Variants in KDM4C observed in about 807,000 individuals in gnomAD.
KDM4C encodes the protein lysine demethylase 4C.
In KDM4C, 81 loss-of-function variants were observed where a neutral mutation model predicts 129.3. The observed-to-expected ratio is 0.63, with a 90% CI of 0.52 to 0.75. KDM4C has a LOEUF of 0.75. Ranked by LOEUF, KDM4C falls within the 30% of genes least tolerant of loss-of-function variation. The pLI is 0.00. For missense variants in KDM4C, 1,457 were observed against 1,304.0 expected (o/e 1.12, Z -1.81); for synonymous variants, 573 against 456.1 (o/e 1.26, Z -3.26).
chr9:6,915,707 G>A (rs1173698869), intron 8 of KDM4C, among the ~76,000 whole-genome samples: 3 of 152,046 alleles, frequency 2.0e-5, no homozygotes, highest in Non-Finnish European at 4.4e-5. Flanking sequence ...GGACCTTATT[G>A]GAGCCTTAGT....
chr9:7,169,658 C>T, intron 20 of KDM4C, 140 bp from the exon 21 acceptor site: 2 of 659,730 alleles, frequency 3.0e-6, no homozygotes, highest in Non-Finnish European at 5.0e-6. Flanking sequence ...AATAACTCTT[C>T]TTACTTCCTT....
chr9:7,076,992 C>G (rs1198123269), intron 17 of KDM4C: 1 of 985,482 alleles, frequency 1.0e-6, no homozygotes, highest in African/African-American at 1.7e-5. Flanking sequence ...AGAGAATCCA[C>G]TCTATGTCTG....
chr9:6,956,238 A>G (rs1021039723), intron 8 of KDM4C, among the ~76,000 whole-genome samples: 1 of 152,190 alleles, frequency 6.6e-6, no homozygotes, highest in Non-Finnish European at 1.5e-5. Flanking sequence ...TTAAAAATCT[A>G]CTTCAAGAGT....
intron 8 of KDM4C, among the ~76,000 whole-genome samples, chr9:6,919,168 GGTT>G (rs1820873883): frequency 6.6e-6 from 1 of 151,334 alleles, no homozygotes; most frequent in Non-Finnish European, 1.5e-5. Flanking sequence ...TTTTCATTGG[GGTT>G]GTTTTTTGCT....
At chr9:7,079,244 A>G (rs963548237) in intron 17 of KDM4C, among the ~76,000 whole-genome samples, 7 of 152,248 alleles carry the variant, frequency 4.6e-5, no homozygotes, top group African/African-American at 1.7e-4. Flanking sequence ...AATATTCTTT[A>G]GTGCCAAAGG....
chr9:6,977,864 A>G (rs2821447), intron 8 of KDM4C, among the ~76,000 whole-genome samples: 112,907 of 151,888 alleles, frequency 0.74, 42,313 homozygotes, highest in Middle Eastern at 0.81. Context: ...CAGAACCACT[A>G]TGCACTTACT....
At chr9:6,915,247 T>A (rs1000585606) in intron 8 of KDM4C, among the ~76,000 whole-genome samples, 1 of 152,234 alleles carries the variant, frequency 6.6e-6, no homozygotes, top group African/African-American at 2.4e-5. Context: ...TTCTACTGTT[T>A]AGGTTTTACA....
At chr9:7,047,313 A>G (rs1350193405) in intron 16 of KDM4C, among the ~76,000 whole-genome samples, 1 of 152,088 alleles carries the variant, frequency 6.6e-6, no homozygotes, top group East Asian at 1.9e-4. Flanking sequence ...CAGTCATAGC[A>G]ATGATAATAA....
intron 17 of KDM4C, among the ~76,000 whole-genome samples, chr9:7,058,762 G>A (rs1042167275): frequency 1.3e-5 from 2 of 152,154 alleles, no homozygotes; most frequent in East Asian, 1.9e-4. Context: ...TACTTAGAAA[G>A]CACTTCCACT....
At chr9:6,944,687 CA>C (rs1253461019) in intron 8 of KDM4C, among the ~76,000 whole-genome samples, 1 of 77,286 alleles carries the variant, frequency 1.3e-5, no homozygotes, top group East Asian at 4.8e-4. Flanking sequence ...CTCTGTGCAA[CA>C]GGGGAAACAG....
At position 6,886,440 on chromosome 9, in the gene KDM4C, G is replaced by A. The variant is rs373590248; in HGVS notation, c.680-1520G>A. On this transcript the variant is annotated intron_variant, in intron 6 of 21. Coordinates refer to ENST00000381309, the MANE Select transcript of KDM4C (RefSeq NM_015061.6). ...TGAATCTCATGCCTTAGCCTCCTGA[G>A]CAGCTAGGACTACAGGCACGCACCA... Among the ~76,000 whole-genome samples the A allele has an allele frequency of 1.9e-4, 28 of 150,462 alleles. 2 individuals are homozygous for A. In the East Asian group the frequency reaches 4.7e-3, roughly 25 times the overall value.
chr9:6,931,124 C>T (rs577645654), intron 8 of KDM4C, among the ~76,000 whole-genome samples: 5 of 151,078 alleles, frequency 3.3e-5, no homozygotes, highest in African/African-American at 1.2e-4. Context: ...CTCTTCTCAC[C>T]CCCCCCACAC....
At chr9:6,911,601 T>C (rs987925628) in intron 8 of KDM4C, among the ~76,000 whole-genome samples, 3 of 152,240 alleles carry the variant, frequency 2.0e-5, no homozygotes, top group African/African-American at 7.2e-5. Flanking sequence ...GTCAGACCTG[T>C]TTAACAATGT....
chr9:6,874,263 CA>C (rs1423895505), intron 5 of KDM4C, among the ~76,000 whole-genome samples: 4 of 152,148 alleles, frequency 2.6e-5, no homozygotes, highest in African/African-American at 9.7e-5. Context: ...ATCTTTAAAG[CA>C]CAACAAAGTG....
chr9:6,967,421 TAAAAAAAA>T (rs35054106), intron 8 of KDM4C, among the ~76,000 whole-genome samples: 1 of 124,994 alleles, frequency 8.0e-6, no homozygotes, highest in African/African-American at 3.0e-5. Context: ...AAGCTTCCAC[TAAAAAAAA>T]AAAAAAAAAA....
intron 19 of KDM4C, among the ~76,000 whole-genome samples, chr9:7,128,701 A>G (rs1414628024): frequency 6.6e-6 from 1 of 152,198 alleles, no homozygotes; most frequent in Non-Finnish European, 1.5e-5. Context: ...ACATGGGAGT[A>G]ACAAAAGTCA....
chr9:6,995,095 A>T (rs1304915404), intron 12 of KDM4C, among the ~76,000 whole-genome samples: 3 of 150,254 alleles, frequency 2.0e-5, no homozygotes, highest in African/African-American at 7.3e-5. Context: ...AATGATGCAT[A>T]CTGTTGTCTT....
intron 8 of KDM4C, among the ~76,000 whole-genome samples, chr9:6,907,175 A>G (rs148231722): frequency 2.1e-4 from 32 of 152,346 alleles, no homozygotes; most frequent in African/African-American, 7.2e-4. Flanking sequence ...ATATATTGTT[A>G]TGTGACAAAG....
intron 19 of KDM4C, among the ~76,000 whole-genome samples, chr9:7,162,138 A>G (rs1053420143): frequency 2.6e-5 from 4 of 152,224 alleles, no homozygotes; most frequent in African/African-American, 9.7e-5. Flanking sequence ...TATGGATGAG[A>G]ATCGTGCCCC....
Sources: allele counts gnomAD v4.1 joint callset (sites outside exome capture counted in the v4.1 genomes callset), GRCh38; gene constraint gnomAD v4.1.1; transcripts MANE v1.5; gene names NCBI Gene and HGNC (gene_info 2026-07-23, HGNC 2026-07-21).